The following HDAC1 variants were observed in gnomAD, a reference collection of about 807,000 sequenced individuals.
The protein encoded by HDAC1 is histone deacetylase 1.
HDAC1 carries 18 observed loss-of-function variants against 65.5 expected under a neutral mutation model. The observed-to-expected ratio is 0.27, with a 90% CI of 0.19 to 0.41. HDAC1 has a LOEUF of 0.41. Ranked by LOEUF, HDAC1 falls within the 10% of genes least tolerant of loss-of-function variation. The pLI is 1.00. For synonymous variants in HDAC1, 211 were observed against 227.9 expected (o/e 0.93, Z 0.67); for missense variants, 373 against 625.2 (o/e 0.60, Z 4.30).
chr1:32,322,112 C>G (rs1257640353), intron 3 of HDAC1, among the ~76,000 whole-genome samples: 1 of 152,114 alleles, frequency 6.6e-6, no homozygotes, highest in Non-Finnish European at 1.5e-5. Flanking sequence ...CCAGCACAAT[C>G]CAAACTGAGC....
chr1:32,303,803 G>A (rs965126273), intron 2 of HDAC1, among the ~76,000 whole-genome samples: 10 of 151,454 alleles, frequency 6.6e-5, no homozygotes, highest in Admixed American at 1.3e-4. Flanking sequence ...TCAAGGCTGC[G>A]GTGAGCTGTG....
chr1:32,328,306 T>C (rs949889628), intron 6 of HDAC1, among the ~76,000 whole-genome samples: 4 of 151,798 alleles, frequency 2.6e-5, no homozygotes, highest in African/African-American at 9.7e-5. Context: ...TTAGAATAAA[T>C]GAGCATTCAC....
At chr1:32,302,783 C>G in intron 2 of HDAC1, 50 bp downstream of exon 2, 1 of 823,368 alleles carries the variant, frequency 1.2e-6, no homozygotes, top group East Asian at 2.4e-5. Flanking sequence ...GCTCTGGTTC[C>G]CCATATGCCA....
rs143313078 is a variant in HDAC1, at chr1:32,331,770, G to A, written c.1183G>A (p.Asp395Asn). The change falls in exon 11 of 14, where the codon GAT becomes AAT. Residue 395 changes from aspartate to asparagine, a missense_variant. By Grantham distance (23) the Asp-to-Asn change is conservative. Coordinates refer to ENST00000373548, the MANE Select transcript of HDAC1 (RefSeq NM_004964.3). This position sits in a 1 kb window ranked among gnomAD's most constrained non-coding sequence, Gnocchi z 4.2. ...GGACGCCATCCCTGAGGAGAGTGGCGATGAGGACGAAGACGACCCTGACAA... is the reference window on the plus strand; with the variant it reads ...GGACGCCATCCCTGAGGAGAGTGGCAATGAGGACGAAGACGACCCTGACAA... Reference protein sequence around the residue: ...PEDAIPEESGDEDEDDPDKRI... With the variant: ...PEDAIPEESGNEDEDDPDKRI... The A allele has an allele frequency of 1.5e-5, 24 of 1,613,940 alleles. No homozygotes were observed. The highest frequency in any genetic ancestry group is 3.3e-4 in the Middle Eastern group (2 of 6,062).
intron 3 of HDAC1, among the ~76,000 whole-genome samples, chr1:32,320,460 G>T (rs1159865794): frequency 6.6e-6 from 1 of 152,048 alleles, no homozygotes; most frequent in Non-Finnish European, 1.5e-5. Context: ...TGATAAAAGG[G>T]ATTGGTAAAA....
chr1:32,308,069 C>T (rs531388343), intron 2 of HDAC1, among the ~76,000 whole-genome samples: 32 of 152,346 alleles, frequency 2.1e-4, no homozygotes, highest in Middle Eastern at 3.4e-3. Context: ...CCTGTAATCC[C>T]AGCACTTTGG....
In HDAC1 at chr1:32,312,850, A is replaced by AT. The variant is rs1641008794; in HGVS notation, c.163-3809dup. Among the ~76,000 whole-genome samples, 3 of 151,286 alleles carry AT rather than the reference A, an allele frequency of 2.0e-5. No homozygotes were observed. In the South Asian group the frequency reaches 6.3e-4, roughly 32 times the overall value. ...GCCACCACGCCCAGCTAATTTTTGT[A>AT]TTTTTTGCAGAGATGGGATTTCGCC... is the stretch of plus-strand genomic sequence containing the variant. On this transcript the variant is annotated intron_variant, in intron 2 of 13. Transcript: ENST00000373548.
At chr1:32,303,152 G>A (rs1640871379) in intron 2 of HDAC1, among the ~76,000 whole-genome samples, 1 of 152,032 alleles carries the variant, frequency 6.6e-6, no homozygotes, top group South Asian at 2.1e-4. Flanking sequence ...CAGCTTGGGG[G>A]GCAGAGCAAG....
At chr1:32,326,453 C>A (rs973754205) in intron 4 of HDAC1, among the ~76,000 whole-genome samples, 1 of 152,080 alleles carries the variant, frequency 6.6e-6, no homozygotes, top group Non-Finnish European at 1.5e-5. Flanking sequence ...GTGTGAGCCA[C>A]CGCGCATGGC....
At chr1:32,332,885 C>G (rs542617196) in intron 13 of HDAC1, 132 bp from the exon 14 acceptor site, 243 of 1,177,764 alleles carry the variant, frequency 2.1e-4, no homozygotes, top group Non-Finnish European at 2.6e-4. Flanking sequence ...CTGTCCAGCT[C>G]TGCAGTTCTA....
At chr1:32,323,361 C>G (rs1641174779) in intron 3 of HDAC1, among the ~76,000 whole-genome samples, 1 of 151,890 alleles carries the variant, frequency 6.6e-6, no homozygotes, top group African/African-American at 2.4e-5. Context: ...CATTTACTAA[C>G]AGCTCACCTC....
intron 2 of HDAC1, among the ~76,000 whole-genome samples, chr1:32,313,610 AG>A (rs1641019900): frequency 6.6e-6 from 1 of 152,240 alleles, no homozygotes; most frequent in Non-Finnish European, 1.5e-5. Flanking sequence ...TATAAACTGC[AG>A]AAAATATGGC....
In HDAC1 at chr1:32,302,559, T is replaced by C. The variant is rs1231321399; in HGVS notation, c.50-62T>C. The C allele has an allele frequency of 1.6e-5, 13 of 796,894 alleles. No homozygotes were observed. In the Admixed American group the frequency reaches 2.2e-4, roughly 13 times the overall value. 49.4% of individuals were successfully genotyped at this position (796,894 alleles called of 1,614,324 possible). A position where few individuals can be genotyped will look rare whatever the true frequency, so the allele number is the denominator to read the frequency against. On this transcript the variant is annotated intron_variant, in intron 1 of 13. Transcript: ENST00000373548. ...ACTGGGAGTTCGCTGTAAAAATTCC[T>C]GGGTTCTCCTGGTAGTGTATGCCTA...
In HDAC1 at chr1:32,327,395, C is replaced by T; in HGVS notation, c.495-141C>T. The T allele has an allele frequency of 1.4e-6, 1 of 728,130 alleles. No homozygotes were observed. The highest frequency in any genetic ancestry group is 2.4e-6 in the Non-Finnish European group (1 of 420,486). The allele number at this position is 728,130 out of a possible 1,614,324, so 45.1% of individuals were successfully genotyped here. On this transcript the variant is annotated intron_variant, in intron 5 of 13. Coordinates refer to ENST00000373548, the MANE Select transcript of HDAC1 (RefSeq NM_004964.3). This position sits in a 1 kb window ranked among gnomAD's most constrained non-coding sequence, Gnocchi z 6.0. ...CTGGAGACACCCGGCCGCTCTTCCA[C>T]CTTCCTTCAGCCAGTTTCCACGTCT...
intron 4 of HDAC1, among the ~76,000 whole-genome samples, chr1:32,325,115 G>T (rs1641200185): frequency 6.6e-6 from 1 of 152,190 alleles, no homozygotes; most frequent in Non-Finnish European, 1.5e-5. Flanking sequence ...ACCTCCTGGG[G>T]TTGTTAAGAT....
intron 3 of HDAC1, among the ~76,000 whole-genome samples, chr1:32,319,055 G>A (rs974219633): frequency 6.6e-6 from 1 of 152,036 alleles, no homozygotes; most frequent in Non-Finnish European, 1.5e-5. Flanking sequence ...GGAGGCAGAG[G>A]TTGCAGTGAG....
rs1202999891 is a variant in HDAC1 at position 32,331,290 on chromosome 1, G to A, written c.980-184G>A. Among the ~76,000 whole-genome samples, 3 of 152,188 alleles carry A rather than the reference G, an allele frequency of 2.0e-5. No homozygotes were observed. The highest frequency in any genetic ancestry group is 4.4e-5 in the Non-Finnish European group (3 of 68,010). On this transcript the variant is annotated intron_variant, in intron 9 of 13. Coordinates refer to ENST00000373548, the MANE Select transcript of HDAC1 (RefSeq NM_004964.3). This position sits in a 1 kb window ranked among gnomAD's most constrained non-coding sequence, Gnocchi z 4.2. ...ATATACACCACTGGTACAGACATAG[G>A]AGAGTGATGTTAAAAAGATGGAAAT...
At position 32,329,130 on chromosome 1, in the gene HDAC1, T is replaced by G; in HGVS notation, c.699T>G (p.Asp233Glu). The change falls in exon 7 of 14, where the codon GAT becomes GAG. Residue 233 changes from aspartate (D) to glutamate (E), a missense_variant. Coordinates refer to ENST00000373548, the MANE Select transcript of HDAC1 (RefSeq NM_004964.3). The surrounding 1 kb of genome is among the most constrained non-coding windows in gnomAD (Gnocchi z 4.1). ...ACTACCCGCTCCGAGACGGGATTGA[T>G]GACGAGTCCTATGAGGCCATTTTCA... The part of the protein sequence containing the change: ...AVNYPLRDGI[D>E]DESYEAIFKP... 6.2e-7 allele frequency: 1 copy of G among 1,612,620 alleles called. No homozygotes were observed. The highest frequency in any genetic ancestry group is 8.5e-7 in the Non-Finnish European group (1 of 1,178,678).
chr1:32,309,373 C>T, intron 2 of HDAC1, among the ~76,000 whole-genome samples: 1 of 148,044 alleles, frequency 6.8e-6, no homozygotes, highest in East Asian at 1.9e-4. Flanking sequence ...TCTTCTCTTT[C>T]TCTCTCTCTC....
Sources: gnomAD v4.1 joint callset for allele counts (sites outside exome capture counted in the v4.1 genomes callset) on GRCh38, gnomAD v4.1.1 for gene constraint, Gnocchi (gnomAD v3.1) non-coding constraint, MANE v1.5 for transcripts, NCBI Gene and HGNC (gene_info 2026-07-23, HGNC 2026-07-21) for gene names.